Variants in THSD4 observed in about 807,000 individuals in gnomAD.
THSD4 encodes the protein thrombospondin type 1 domain containing 4.
Under a neutral mutation model 119.0 loss-of-function variants are expected in THSD4, and 69 were observed. The observed-to-expected ratio is 0.58, with a 90% CI of 0.48 to 0.71. The LOEUF (loss-of-function observed/expected upper bound fraction) is 0.71, where lower values mean the gene tolerates loss of function less well. Among genes scored for constraint, THSD4 ranks in the 30% least tolerant of loss-of-function variants. The probability of loss-of-function intolerance (pLI) is 0.00; values close to 1 mark genes in which losing one functional copy is unlikely to be tolerated. For synonymous variants in THSD4, 524 were observed against 540.4 expected (o/e 0.97, Z 0.42); for missense variants, 1,393 against 1,391.1 (o/e 1.00, Z -0.02).
At chr15:71,499,818 A>T (rs754867547) in intron 7 of THSD4, among the ~76,000 whole-genome samples, 1 of 152,226 alleles carries the variant, frequency 6.6e-6, no homozygotes, top group Non-Finnish European at 1.5e-5. Flanking sequence ...CATTTGTAGC[A>T]TATGATGGGA....
chr15:71,214,096 A>AGCT (rs1403508430), intron 3 of THSD4, among the ~76,000 whole-genome samples: 30 of 150,366 alleles, frequency 2.0e-4, no homozygotes, highest in African/African-American at 6.6e-4. Flanking sequence ...CACTCTGTAA[A>AGCT]AACACACCAA....
At chr15:71,526,549 A>C (rs1356086414) in intron 7 of THSD4, among the ~76,000 whole-genome samples, 1 of 152,054 alleles carries the variant, frequency 6.6e-6, no homozygotes, top group Non-Finnish European at 1.5e-5. Flanking sequence ...GAATAGTTGC[A>C]CTGGAATATT....
chr15:71,343,805 C>A (rs972818209), intron 6 of THSD4, among the ~76,000 whole-genome samples: 1 of 151,464 alleles, frequency 6.6e-6, no homozygotes, highest in African/African-American at 2.4e-5. Context: ...CTCAGCCTCC[C>A]AGGCTCAGAT....
At chr15:71,253,993 C>T (rs575543722) in intron 5 of THSD4, among the ~76,000 whole-genome samples, 1 of 152,272 alleles carries the variant, frequency 6.6e-6, no homozygotes, top group African/African-American at 2.4e-5. Flanking sequence ...GTGGTCTAGC[C>T]TATTAGCCAT....
At chr15:71,724,288 T>TATATATATATATATATATATATATATA (rs1491162842) in intron 8 of THSD4, among the ~76,000 whole-genome samples, 4 of 31,454 alleles carry the variant, frequency 1.3e-4, no homozygotes, top group African/African-American at 2.6e-4. Context: ...TATATATATA[T>TATATATATATATATATATATATATATA]TTTTTTTTTC....
intron 14 of THSD4, among the ~76,000 whole-genome samples, chr15:71,756,548 C>T (rs1326784933): frequency 1.3e-5 from 2 of 152,040 alleles, no homozygotes; most frequent in African/African-American, 4.8e-5. Flanking sequence ...TTTGGGAGGC[C>T]GAGGCAGGCG....
At position 71,547,442 on chromosome 15, in the gene THSD4, C is replaced by G. The variant is rs1467368936; in HGVS notation, c.1153-113088C>G. 15 of 1,550,216 alleles carry G rather than the reference C, an allele frequency of 9.7e-6. No homozygotes were observed. In the South Asian group the frequency reaches 1.8e-4, roughly 18 times the overall value. On this transcript the variant is annotated intron_variant, in intron 7 of 17. Transcript: ENST00000261862. ...TCAGCTACCTGATATTAACATTGCTCCACGTTCAAACAGCAGTGTTAGCAA... is the reference window on the plus strand; with the variant it reads ...TCAGCTACCTGATATTAACATTGCTGCACGTTCAAACAGCAGTGTTAGCAA...
chr15:71,730,311 A>G (rs1166926297), intron 9 of THSD4: 1 of 152,090 alleles, frequency 6.6e-6, no homozygotes, highest in Admixed American at 6.5e-5. Flanking sequence ...TCATATTTAC[A>G]CTGTGGATTC....
chr15:71,199,716 T>A lies in THSD4; in HGVS notation c.100-15319T>A, dbSNP rs1467478164. The stretch of plus-strand genomic sequence containing the variant: ...GTGTGTGTGGTGTCTGGGTGTGTGG[T>A]GTGTGTGTGTAGTGTGTGTGTAGTG... On this transcript the variant is annotated intron_variant, in intron 3 of 17. Coordinates refer to ENST00000261862, the MANE Select transcript of THSD4 (RefSeq NM_024817.3). Among the ~76,000 whole-genome samples the A allele has an allele frequency of 6.1e-4, 83 of 135,610 alleles. 1 individual carries two copies. Among genetic ancestry groups the A allele is most frequent in the African/African-American group, 2.3e-3 (75 of 32,124 alleles). 89.0% of individuals were successfully genotyped at this position (135,610 alleles called of 152,430 possible).
rs568762952 is a variant in THSD4, at chr15:71,684,638, T to G, written c.1357+23904T>G. ...TGGATTATACCCTGTTTCATCTTGCTGAATGGTTTTTTTAATGTTCTGTTG... is the reference window on the plus strand; with the variant it reads ...TGGATTATACCCTGTTTCATCTTGCGGAATGGTTTTTTTAATGTTCTGTTG... On this transcript the variant is annotated intron_variant, in intron 8 of 17. Coordinates refer to ENST00000261862, the MANE Select transcript of THSD4 (RefSeq NM_024817.3). Among the ~76,000 whole-genome samples, 48 of 152,226 alleles carry G rather than the reference T, an allele frequency of 3.2e-4. No homozygotes were observed. In the South Asian group the frequency reaches 8.7e-3, roughly 28 times the overall value.
At chr15:71,519,338 C>T (rs368105885) in intron 7 of THSD4, among the ~76,000 whole-genome samples, 4 of 152,190 alleles carry the variant, frequency 2.6e-5, no homozygotes, top group South Asian at 2.1e-4. Context: ...TAAGCAGAAA[C>T]GGTATATGAT....
chr15:71,243,060 C>CG lies in THSD4; in HGVS notation c.880dup (p.Ala294GlyfsTer18). The CG allele has an allele frequency of 6.2e-7, 1 of 1,614,016 alleles. No individual in the cohort carries two copies. On this transcript the variant is annotated frameshift_variant, in exon 5 of 18. Coordinates refer to ENST00000261862, the MANE Select transcript of THSD4 (RefSeq NM_024817.3). LOFTEE classifies it high-confidence loss of function. ...CCCGATCTACAGCAATCTCATGCAT[C>CG]GGGGCCTATCGGCAGTACAAGCTGT...
intron 8 of THSD4, among the ~76,000 whole-genome samples, chr15:71,701,061 T>A (rs924954229): frequency 1.3e-5 from 2 of 152,172 alleles, no homozygotes; most frequent in African/African-American, 4.8e-5. Context: ...GGCTTCTCTA[T>A]GTCAAAAGAC....
At chr15:71,544,108 A>G (rs886590369) in intron 7 of THSD4, among the ~76,000 whole-genome samples, 2 of 152,176 alleles carry the variant, frequency 1.3e-5, no homozygotes, top group South Asian at 2.1e-4. Context: ...CAACAAGGGC[A>G]GATAGAGAGG....
intron 7 of THSD4, among the ~76,000 whole-genome samples, chr15:71,532,001 T>A (rs148085193): frequency 6.6e-6 from 1 of 152,230 alleles, no homozygotes; most frequent in East Asian, 1.9e-4. Flanking sequence ...GTTTTTCCAG[T>A]TTTTTCCCGT....
intron 7 of THSD4, among the ~76,000 whole-genome samples, chr15:71,481,850 A>C (rs2047735417): frequency 1.3e-5 from 2 of 152,320 alleles, no homozygotes; most frequent in South Asian, 4.1e-4. Flanking sequence ...ACATGTTTTG[A>C]GTGAATTCCC....
intron 2 of THSD4, among the ~76,000 whole-genome samples, chr15:71,152,436 T>A (rs867413871): frequency 8.6e-4 from 125 of 145,020 alleles, no homozygotes; most frequent in African/African-American, 3.2e-3. Flanking sequence ...AAAAAAAAAA[T>A]AAAAATCAAC....
intron 7 of THSD4, among the ~76,000 whole-genome samples, chr15:71,524,581 A>C (rs2048488752): frequency 9.1e-6 from 1 of 109,290 alleles, no homozygotes; most frequent in African/African-American, 3.2e-5. Flanking sequence ...TTCTTGGTTT[A>C]TGCCTCTTTT....
chr15:71,782,252 G>GT lies in THSD4; in HGVS notation c.*4878_*4879insT, dbSNP rs892938271. The GT allele has an allele frequency of 8.4e-5, 4 of 47,780 alleles. 1 individual carries two copies. Among genetic ancestry groups the GT allele is most frequent in the Admixed American group, 7.4e-4 (2 of 2,692 alleles). The allele number at this position is 47,780 out of a possible 1,614,324, so 3.0% of individuals were successfully genotyped here. On this transcript the variant is annotated 3_prime_UTR_variant, in exon 18 of 18. Transcript: ENST00000261862. ...GTTCATTTCAGCAGATAATGATGGAGGGGGGGGGTGTCCATCGTGCTGAGG... is the reference window on the plus strand; with the variant it reads ...GTTCATTTCAGCAGATAATGATGGAGTGGGGGGGGTGTCCATCGTGCTGAGG...
Sources: allele counts gnomAD v4.1 joint callset (sites outside exome capture counted in the v4.1 genomes callset), GRCh38; gene constraint gnomAD v4.1.1; transcripts MANE v1.5; gene names NCBI Gene and HGNC (gene_info 2026-07-23, HGNC 2026-07-21).